Variants in TIMM23B observed in about 807,000 individuals in gnomAD.
The protein encoded by TIMM23B is mitochondrial import inner membrane translocase subunit Tim23B.
TIMM23B carries 27 observed loss-of-function variants against 27.3 expected under a neutral mutation model. The ratio of observed to expected loss-of-function variants is 0.99; its 90% confidence interval spans 0.73 to 1.36. The LOEUF (loss-of-function observed/expected upper bound fraction) is 1.36. Ranked by LOEUF, TIMM23B falls within the 40% of genes most tolerant of loss-of-function variation. The pLI is 0.00. For synonymous variants in TIMM23B, 73 were observed against 92.4 expected (o/e 0.79, Z 1.21); for missense variants, 205 against 244.2 (o/e 0.84, Z 1.07).
chr10:49,942,092 G>A lies in TIMM23B; in HGVS notation c.-103G>A, dbSNP rs1456690883. ...CCCGGAATGTCAGCGTGTGAAGTAG[G>A]CGCTGGCAACGCGGGGTTACCCGCT... On this transcript the variant is annotated 5_prime_UTR_variant, in exon 1 of 7. Transcript: ENST00000651259. 5.1e-6 allele frequency: 7 copies of A among 1,368,854 alleles called. No individual in the cohort carries two copies. Among genetic ancestry groups the A allele is most frequent in the Non-Finnish European group, 6.9e-6 (7 of 1,015,228 alleles). 84.8% of individuals were successfully genotyped at this position (1,368,854 alleles called of 1,614,324 possible).
chr10:49,947,543 A>T (rs1589028973), intron 2 of TIMM23B, among the ~76,000 whole-genome samples: 1 of 152,222 alleles, frequency 6.6e-6, no homozygotes, highest in East Asian at 1.9e-4. Context: ...TGGGAGGCAG[A>T]GGTTGTGGTG....
chr10:49,959,533 A>C (rs1839829000), intron 6 of TIMM23B, among the ~76,000 whole-genome samples: 1 of 152,130 alleles, frequency 6.6e-6, no homozygotes, highest in Non-Finnish European at 1.5e-5. Context: ...TTGGCTACTT[A>C]ATTTTTATTT....
chr10:49,963,890 A>G (rs1161276441), intron 6 of TIMM23B, among the ~76,000 whole-genome samples: 3 of 152,116 alleles, frequency 2.0e-5, no homozygotes, highest in South Asian at 4.1e-4. Flanking sequence ...GCTTGAACCC[A>G]GGAGGCAGAG....
intron 6 of TIMM23B, among the ~76,000 whole-genome samples, chr10:49,970,937 G>C (rs1840415359): frequency 6.6e-6 from 1 of 152,248 alleles, no homozygotes; most frequent in African/African-American, 2.4e-5. Context: ...TGCTGTGTCT[G>C]TGTGGAGGGA....
intron 5 of TIMM23B, among the ~76,000 whole-genome samples, chr10:49,957,847 TACTAATAG>T (rs1839776755): frequency 6.6e-6 from 1 of 152,202 alleles, no homozygotes; most frequent in African/African-American, 2.4e-5. Context: ...CATGCTCTAC[TACTAATAG>T]ACTGGGCACA....
rs1478505340 is a variant in TIMM23B at position 49,973,241 on chromosome 10, C to T, written c.*177C>T. 7.7e-6 allele frequency: 4 copies of T among 521,514 alleles called. No individual in the cohort carries two copies. The highest frequency in any genetic ancestry group is 1.4e-5 in the Non-Finnish European group (4 of 294,302). 32.3% of individuals were successfully genotyped at this position (521,514 alleles called of 1,614,324 possible). A position where few individuals can be genotyped will look rare whatever the true frequency, so the allele number is the denominator to read the frequency against. On this transcript the variant is annotated 3_prime_UTR_variant, in exon 7 of 7. Coordinates refer to ENST00000651259, the MANE Select transcript of TIMM23B (RefSeq NM_001290117.2). ...CTACATTTTAAAGGAGAAAAAGAAA[C>T]GTGAAGTCATGAACTGTTTATTTAT...
In TIMM23B at chr10:49,958,411, C is replaced by T. The variant is rs1204617297; in HGVS notation, c.445C>T (p.Arg149Ter). The T allele has an allele frequency of 7.4e-6, 12 of 1,613,710 alleles. No homozygotes were observed. Among genetic ancestry groups the T allele is most frequent in the South Asian group, 2.2e-5 (2 of 91,072 alleles). ...ATTTGGTGTCATCATTGAGAAAACA[C>T]GAGGTGCAGAAGATGACCTTAACAC... ...SAFGVIIEKTRGAEDDLNTVA... is the reference protein window; with the variant it reads ...SAFGVIIEKT Residue 149 changes from arginine (R) to a stop codon, truncating the protein, a stop_gained, in exon 6 of 7, where the codon CGA becomes TGA. Coordinates refer to ENST00000651259, the MANE Select transcript of TIMM23B (RefSeq NM_001290117.2). LOFTEE classifies it high-confidence loss of function.
chr10:49,943,025 G>A (rs1343836186), intron 1 of TIMM23B, among the ~76,000 whole-genome samples: 2 of 152,110 alleles, frequency 1.3e-5, no homozygotes, highest in Non-Finnish European at 2.9e-5. Flanking sequence ...CGTGGATAAA[G>A]CCTTTACGAA....
intron 6 of TIMM23B, among the ~76,000 whole-genome samples, chr10:49,965,161 G>A (rs570633908): frequency 1.3e-4 from 20 of 151,122 alleles, no homozygotes; most frequent in South Asian, 4.2e-4. Flanking sequence ...TAGAGGTTGC[G>A]GTGAGCAGAG....
At chr10:49,966,926 C>A (rs547885152) in intron 6 of TIMM23B, among the ~76,000 whole-genome samples, 3 of 143,534 alleles carry the variant, frequency 2.1e-5, no homozygotes, top group African/African-American at 7.3e-5. Flanking sequence ...TCTGTACTTA[C>A]TATGTTGAGC....
At chr10:49,947,047 C>T (rs1466337142) in intron 2 of TIMM23B, among the ~76,000 whole-genome samples, 3 of 152,164 alleles carry the variant, frequency 2.0e-5, no homozygotes, top group Non-Finnish European at 2.9e-5. Context: ...TCAGGGGAGA[C>T]GTTAGGACAA....
At chr10:49,963,628 TTGAAA>T (rs1415380557) in intron 6 of TIMM23B, among the ~76,000 whole-genome samples, 2 of 152,096 alleles carry the variant, frequency 1.3e-5, no homozygotes, top group Non-Finnish European at 2.9e-5. Flanking sequence ...AGACTCCGTC[TTGAAA>T]TGAAATGATG....
At chr10:49,958,923 C>T (rs1454821408) in intron 6 of TIMM23B, among the ~76,000 whole-genome samples, 3 of 152,174 alleles carry the variant, frequency 2.0e-5, no homozygotes, top group Non-Finnish European at 4.4e-5. Flanking sequence ...CATATTGTTG[C>T]GTGTGCCAGA....
chr10:49,945,130 C>T, intron 2 of TIMM23B, 40 bp downstream of exon 2: 3 of 1,605,986 alleles, frequency 1.9e-6, no homozygotes, highest in Non-Finnish European at 1.7e-6. Flanking sequence ...ATTATTTTAC[C>T]ATTTTTAAAA....
At chr10:49,955,631 C>T (rs1376421143) in intron 5 of TIMM23B, among the ~76,000 whole-genome samples, 2 of 152,214 alleles carry the variant, frequency 1.3e-5, no homozygotes. Flanking sequence ...TGATTGATCA[C>T]TTACAATAGA....
Position 49,956,603 on chromosome 10 carries a change from G to A in TIMM23B, c.403+1543G>A, listed in dbSNP as rs1839734755. 1.4e-5 allele frequency among the ~76,000 whole-genome samples: 2 copies of A among 146,314 alleles called. 1 individual carries two copies. The highest frequency in any genetic ancestry group is 4.4e-4 in the South Asian group (2 of 4,560). On this transcript the variant is annotated intron_variant, in intron 5 of 6. Transcript: ENST00000651259. ...ATGTTTCTTCTGAATTCTTCCAGGC[G>A]TTTCTCTGCATAGCCAGTCAGTCGT... is the stretch of plus-strand genomic sequence containing the variant.
intron 2 of TIMM23B, among the ~76,000 whole-genome samples, chr10:49,945,736 G>C (rs1839336003): frequency 2.6e-5 from 4 of 152,118 alleles, no homozygotes. Flanking sequence ...GGGTATATTA[G>C]AAAAGCAAGG....
In TIMM23B at chr10:49,965,885, C is replaced by T. The variant is rs192297903; in HGVS notation, c.515-7127C>T. ...AATAATGAAATGCTGGGTGCGGTGGCGCACTCCAGCCTGGGCAATAGAGCA... is the reference window on the plus strand; with the variant it reads ...AATAATGAAATGCTGGGTGCGGTGGTGCACTCCAGCCTGGGCAATAGAGCA... On this transcript the variant is annotated intron_variant, in intron 6 of 6. Coordinates refer to ENST00000651259, the MANE Select transcript of TIMM23B (RefSeq NM_001290117.2). Among the ~76,000 whole-genome samples the T allele has an allele frequency of 1.8e-3, 269 of 148,178 alleles. 9 individuals carry two copies. Among genetic ancestry groups the T allele is most frequent in the Middle Eastern group, 3.8e-3 (1 of 264 alleles).
rs1481161314 is a variant in TIMM23B at position 49,952,533 on chromosome 10, A to G, written c.344A>G (p.Gln115Arg). The change falls in exon 4 of 7, where the codon CAG becomes CGG. Residue 115 changes from glutamine to arginine, a missense_variant and splice_region_variant. Gln to Arg is a conservative substitution (Grantham distance 43). Transcript: ENST00000651259. The stretch of plus-strand genomic sequence containing the variant: ...GCCTGGTCCAAACCAGGAAATGTAC[A>G]GTAAGTCTCTTGTAACCATCTGATG... ...NMAWSKPGNVQILNMVTRQGA... is the reference protein window; with the variant it reads ...NMAWSKPGNVRILNMVTRQGA... 1.2e-6 allele frequency: 2 copies of G among 1,613,036 alleles called. No homozygotes were observed. Among genetic ancestry groups the G allele is most frequent in the Admixed American group, 3.3e-5 (2 of 59,930 alleles).
Sources: gnomAD v4.1 joint callset for allele counts (sites outside exome capture counted in the v4.1 genomes callset) on GRCh38, gnomAD v4.1.1 for gene constraint, MANE v1.5 for transcripts, NCBI Gene and HGNC (gene_info 2026-07-23, HGNC 2026-07-21) for gene names.